MEF2C: variants seen among roughly 807,000 people sequenced by gnomAD.
MEF2C encodes the protein myocyte-specific enhancer factor 2C.
MEF2C carries 6 observed loss-of-function variants against 50.5 expected under a neutral mutation model. That is an observed-to-expected ratio of 0.12 (90% CI 0.07 to 0.23). The LOEUF is 0.23. MEF2C is among the 10% of genes least tolerant of loss of function. The pLI, the probability that MEF2C is intolerant of heterozygous loss-of-function variation, is 1.00. For synonymous variants in MEF2C, 183 were observed against 228.0 expected, an observed-to-expected ratio of 0.80 and a Z score of 1.78; for missense variants, 276 against 605.0, an observed-to-expected ratio of 0.46 and a Z score of 5.70.
chr5:88,742,624 T>G (rs1424279805), intron 6 of MEF2C: 1 of 985,290 alleles, frequency 1.0e-6, no homozygotes, highest in African/African-American at 1.7e-5. Context: ...TTTTCTTTTT[T>G]TCCTCTGGAA....
At chr5:88,750,621 T>C (rs1015740588) in intron 5 of MEF2C, among the ~76,000 whole-genome samples, 9 of 152,210 alleles carry the variant, frequency 5.9e-5, no homozygotes, top group African/African-American at 2.2e-4. Context: ...GTGAACTGCA[T>C]TCTAGTATGA....
chr5:88,860,541 A>G (rs1326232474), intron 1 of MEF2C, among the ~76,000 whole-genome samples: 3 of 152,040 alleles, frequency 2.0e-5, no homozygotes, highest in Non-Finnish European at 4.4e-5. Flanking sequence ...TACCTTTCAG[A>G]CAGTCTTAGG....
chr5:88,891,709 C>A (rs1171690225), intron 1 of MEF2C, among the ~76,000 whole-genome samples: 1 of 152,000 alleles, frequency 6.6e-6, no homozygotes, highest in Non-Finnish European at 1.5e-5. Flanking sequence ...TGCACCCGGC[C>A]CAAACAAAAC....
intron 1 of MEF2C, among the ~76,000 whole-genome samples, chr5:88,870,506 G>A (rs1232030994): frequency 6.6e-6 from 1 of 151,976 alleles, no homozygotes; most frequent in African/African-American, 2.4e-5. Context: ...GTGGAAAAAC[G>A]CACATGGATA....
At chr5:88,860,709 T>G (rs896374526) in intron 1 of MEF2C, among the ~76,000 whole-genome samples, 3 of 152,222 alleles carry the variant, frequency 2.0e-5, no homozygotes, top group African/African-American at 7.2e-5. Context: ...GACTACAGTT[T>G]AAGTAGAGCT....
At chr5:88,869,711 C>A (rs955870130) in intron 1 of MEF2C, among the ~76,000 whole-genome samples, 1 of 150,456 alleles carries the variant, frequency 6.6e-6, no homozygotes, top group African/African-American at 2.4e-5. Context: ...TTTATGAAGA[C>A]AACAAAAACT....
chr5:88,845,084 C>T (rs1251047884), intron 1 of MEF2C, among the ~76,000 whole-genome samples: 1 of 152,168 alleles, frequency 6.6e-6, no homozygotes, highest in African/African-American at 2.4e-5. Flanking sequence ...AGATAGGATA[C>T]TAAAAAACGT....
upstream of MEF2C, chr5:88,884,318 C>T (rs535654200): frequency 6.6e-6 from 1 of 152,316 alleles, no homozygotes; most frequent in Non-Finnish European, 1.5e-5. Context: ...TGCGCTCCTC[C>T]GTTACTCACG....
intron 3 of MEF2C, among the ~76,000 whole-genome samples, chr5:88,778,022 A>G (rs1340364903): frequency 6.9e-6 from 1 of 144,290 alleles, no homozygotes; most frequent in African/African-American, 2.6e-5. Context: ...CTCCCACCTC[A>G]GCCTCCTGAG....
At chr5:88,773,614 G>A (rs145267042) in intron 3 of MEF2C, among the ~76,000 whole-genome samples, 1 of 152,190 alleles carries the variant, frequency 6.6e-6, no homozygotes, top group Non-Finnish European at 1.5e-5. Context: ...TCTGACAGTA[G>A]AATGTTGCTA....
At chr5:88,859,315 T>C (rs1824658932) in intron 1 of MEF2C, among the ~76,000 whole-genome samples, 1 of 152,210 alleles carries the variant, frequency 6.6e-6, no homozygotes, top group Admixed American at 6.5e-5. Flanking sequence ...TGTTAGAGTC[T>C]TTACTCAAAA....
intron 3 of MEF2C, among the ~76,000 whole-genome samples, chr5:88,772,538 T>C (rs1406330639): frequency 6.6e-6 from 1 of 152,186 alleles, no homozygotes; most frequent in East Asian, 1.9e-4. Flanking sequence ...CAATAACAGT[T>C]TTCAATTTGG....
At chr5:88,823,171 G>T (rs546144088) in intron 2 of MEF2C, among the ~76,000 whole-genome samples, 1 of 151,878 alleles carries the variant, frequency 6.6e-6, no homozygotes, top group African/African-American at 2.4e-5. Context: ...ATTTAAAATG[G>T]TATGAATTAA....
intron 4 of MEF2C, among the ~76,000 whole-genome samples, chr5:88,753,553 C>T (rs1305096671): frequency 6.6e-6 from 1 of 152,084 alleles, no homozygotes; most frequent in East Asian, 1.9e-4. Context: ...CCACGCCCAG[C>T]TATTTTTTTG....
intron 3 of MEF2C, among the ~76,000 whole-genome samples, chr5:88,792,196 A>G (rs757712246): frequency 9.2e-5 from 14 of 152,144 alleles, no homozygotes; most frequent in East Asian, 5.8e-4. Context: ...AAAAATAGTA[A>G]TAAGACAGAA....
intron 4 of MEF2C, among the ~76,000 whole-genome samples, chr5:88,758,706 T>A (rs944100488): frequency 2.0e-5 from 3 of 152,284 alleles, no homozygotes; most frequent in African/African-American, 7.2e-5. Flanking sequence ...GGGCTTTTCA[T>A]CGTGAAGACT....
chr5:88,768,939 A>T (rs1012095178), intron 3 of MEF2C, among the ~76,000 whole-genome samples: 8 of 152,240 alleles, frequency 5.3e-5, no homozygotes, highest in Non-Finnish European at 1.0e-4. Flanking sequence ...TTGAACGCTT[A>T]AAATTTAGGG....
At chr5:88,774,791 C>T (rs1784038177) in intron 3 of MEF2C, among the ~76,000 whole-genome samples, 1 of 152,200 alleles carries the variant, frequency 6.6e-6, no homozygotes, top group South Asian at 2.1e-4. Flanking sequence ...ATAAGAGCTT[C>T]AGGTGCTTAA....
chr5:88,777,948 AG>A (rs1785729453), intron 3 of MEF2C, among the ~76,000 whole-genome samples: 1 of 108,696 alleles, frequency 9.2e-6, no homozygotes, highest in Admixed American at 1.4e-4. Context: ...TTTGTCACCC[AG>A]GCTGGAGTGC....
Sources: allele counts gnomAD v4.1 joint callset (sites outside exome capture counted in the v4.1 genomes callset), GRCh38; gene constraint gnomAD v4.1.1; transcripts MANE v1.5; gene names NCBI Gene and HGNC (gene_info 2026-07-23, HGNC 2026-07-21).